Variants in RASL10B observed in about 807,000 individuals in gnomAD.
The protein encoded by RASL10B is ras-like protein family member 10B.
A neutral mutation model predicts 20.7 loss-of-function variants in RASL10B; 10 were observed. That is an observed-to-expected ratio of 0.48 (90% CI 0.30 to 0.82). RASL10B has a LOEUF of 0.82. RASL10B is among the 40% of genes least tolerant of loss of function. RASL10B has a pLI of 0.07. For synonymous variants in RASL10B, 110 were observed against 123.3 expected, an observed-to-expected ratio of 0.89 and a Z score of 0.72; for missense variants, 231 against 295.4, an observed-to-expected ratio of 0.78 and a Z score of 1.60.
chr17:35,737,138 A>G (rs908054181), intron 2 of RASL10B: 3 of 152,252 alleles, frequency 2.0e-5, no homozygotes, highest in Non-Finnish European at 4.4e-5. Context: ...AAACAAAAAC[A>G]AGAACCATAC....
At chr17:35,736,254 G>T (rs1166936693) in intron 2 of RASL10B, among the ~76,000 whole-genome samples, 2 of 152,236 alleles carry the variant, frequency 1.3e-5, no homozygotes, top group East Asian at 3.8e-4. Context: ...GCTCACTGAA[G>T]GAAGCCTCTG....
At chr17:35,740,922 G>A (rs1400306118) in intron 3 of RASL10B, 113 bp from the exon 4 acceptor site, 5 of 853,954 alleles carry the variant, frequency 5.9e-6, no homozygotes, top group South Asian at 1.7e-5. Context: ...TTAGGGCTGC[G>A]CCTGGAGCAG....
intron 2 of RASL10B, among the ~76,000 whole-genome samples, chr17:35,739,174 TAACTC>T (rs1159484064): frequency 1.3e-5 from 2 of 152,242 alleles, no homozygotes; most frequent in African/African-American, 4.8e-5. Flanking sequence ...AAGTTGGACT[TAACTC>T]TGCACTACTG....
At chr17:35,734,889 G>A in intron 1 of RASL10B, 149 bp from the exon 2 acceptor site, 1 of 490,956 alleles carries the variant, frequency 2.0e-6, no homozygotes, top group Non-Finnish European at 3.7e-6. Flanking sequence ...GAGGGATGGA[G>A]AGGTTTTGGA....
At chr17:35,733,769 A>AGTAG (rs782435578) in intron 1 of RASL10B, among the ~76,000 whole-genome samples, 21 of 152,220 alleles carry the variant, frequency 1.4e-4, no homozygotes, top group Non-Finnish European at 2.6e-4. Flanking sequence ...TTTTCTCAGA[A>AGTAG]GTAGGGGCTG....
Position 35,735,343 on chromosome 17 carries a change from C to T in RASL10B, c.159C>T (p.His53=). The change falls in exon 2 of 4, where the codon CAC becomes CAT. Residue 53 remains histidine (H), a synonymous_variant. Coordinates refer to ENST00000603017, the MANE Select transcript of RASL10B (RefSeq NM_033315.4). The surrounding 1 kb of genome is among the most constrained non-coding windows in gnomAD (Gnocchi z 6.7). Reference sequence around the variant, plus strand: ...CTGTCGTCATGAACGGCCACGTGCACGACCTCCAGATCCTCGACTTTCCAC... The same window carrying T: ...CTGTCGTCATGAACGGCCACGTGCATGACCTCCAGATCCTCGACTTTCCAC... ...LPAVVMNGHV[H]DLQILDFPPI... The T allele has an allele frequency of 1.2e-6, 2 of 1,614,192 alleles. No homozygotes were observed. Among genetic ancestry groups the T allele is most frequent in the Non-Finnish European group, 1.7e-6 (2 of 1,180,048 alleles).
At chr17:35,738,660 G>A (rs2085609977) in intron 2 of RASL10B, among the ~76,000 whole-genome samples, 1 of 152,128 alleles carries the variant, frequency 6.6e-6, no homozygotes, top group East Asian at 1.9e-4. Flanking sequence ...GCCTTTTACA[G>A]TTTGGAACCC....
Position 35,741,607 on chromosome 17 carries a change from G to A in RASL10B, c.*302G>A. On this transcript the variant is annotated 3_prime_UTR_variant, in exon 4 of 4. Transcript: ENST00000603017. ...TTGGGATGGGGGTGAGCGTGCAATG[G>A]AGGCTGGGGGTGGCGAGGTGCCGCC... 1 of 365,228 alleles carries A rather than the reference G, an allele frequency of 2.7e-6. No individual in the cohort carries two copies. Among genetic ancestry groups the A allele is most frequent in the Non-Finnish European group, 4.8e-6 (1 of 206,352 alleles). The allele number at this position is 365,228 out of a possible 1,614,324, so 22.6% of individuals were successfully genotyped here.
chr17:35,734,348 A>C (rs587680787), intron 1 of RASL10B, among the ~76,000 whole-genome samples: 10 of 152,300 alleles, frequency 6.6e-5, no homozygotes, highest in Non-Finnish European at 1.3e-4. Flanking sequence ...TACTCCTTCT[A>C]AGCTTCTCTC....
chr17:35,732,890 GTGGTGTCC>G (rs1256635178), intron 1 of RASL10B, among the ~76,000 whole-genome samples: 1 of 152,184 alleles, frequency 6.6e-6, no homozygotes, highest in African/African-American at 2.4e-5. Context: ...GCTGGTGGTA[GTGGTGTCC>G]AGGGATGCCT....
intron 2 of RASL10B, among the ~76,000 whole-genome samples, chr17:35,738,373 A>G (rs2085608268): frequency 1.3e-5 from 2 of 152,170 alleles, no homozygotes; most frequent in African/African-American, 4.8e-5. Flanking sequence ...TATAAAACCT[A>G]AGAATCCTGA....
chr17:35,737,503 G>A (rs1409198089), intron 2 of RASL10B, among the ~76,000 whole-genome samples: 1 of 152,046 alleles, frequency 6.6e-6, no homozygotes, highest in Non-Finnish European at 1.5e-5. Context: ...GAGTGGCCTT[G>A]TAGATAGGTC....
In RASL10B at chr17:35,741,704, C is replaced by T. The variant is rs1598391225; in HGVS notation, c.*399C>T. 1 of 191,438 alleles carries T rather than the reference C, an allele frequency of 5.2e-6. No individual in the cohort carries two copies. The highest frequency in any genetic ancestry group is 2.3e-5 in the African/African-American group (1 of 43,104). The allele number at this position is 191,438 out of a possible 1,614,324, so 11.9% of individuals were successfully genotyped here. A position where few individuals can be genotyped will look rare whatever the true frequency, so the allele number is the denominator to read the frequency against. ...CTGGTGTCTTCCTTTCCCGTGTCCG[C>T]CCACCCCAGCGTCTGTTGGTACTTA... On this transcript the variant is annotated 3_prime_UTR_variant, in exon 4 of 4. Coordinates refer to ENST00000603017, the MANE Select transcript of RASL10B (RefSeq NM_033315.4).
rs1481116157 is a variant in RASL10B, at chr17:35,735,441, ATG to A, written c.216+42_216+43del. ...GGGGCATGGGTTAGTGGGGAAACGG[ATG>A]GGTAGGGGAGAGGCTGGATTCCAAA... On this transcript the variant is annotated intron_variant, in intron 2 of 3. Transcript: ENST00000603017. The surrounding 1 kb of genome is among the most constrained non-coding windows in gnomAD (Gnocchi z 6.7). 6.3e-7 allele frequency: 1 copy of A among 1,596,270 alleles called. No homozygotes were observed. The highest frequency in any genetic ancestry group is 1.3e-5 in the African/African-American group (1 of 74,694).
At position 35,735,208 on chromosome 17, in the gene RASL10B, C is replaced by T. The variant is rs782017763; in HGVS notation, c.24C>T (p.Ala8=). The change falls in exon 2 of 4, where the codon GCC becomes GCT. Residue 8 remains alanine (A), a synonymous_variant. Coordinates refer to ENST00000603017, the MANE Select transcript of RASL10B (RefSeq NM_033315.4). This position sits in a 1 kb window ranked among gnomAD's most constrained non-coding sequence, Gnocchi z 6.7. MVSTYRV[A]VLGARGVGKS... ...GCATGGTCTCCACCTACCGGGTGGC[C>T]GTGCTGGGGGCGCGAGGTGTGGGCA... 9.9e-6 allele frequency: 16 copies of T among 1,611,316 alleles called. No homozygotes were observed. Among genetic ancestry groups the T allele is most frequent in the East Asian group, 8.9e-5 (4 of 44,878 alleles).
chr17:35,733,664 CAGG>C lies in RASL10B; in HGVS notation c.-147-1370_-147-1368del, dbSNP rs782021418. Among the ~76,000 whole-genome samples the C allele has an allele frequency of 1.1e-4, 17 of 152,366 alleles. No individual in the cohort carries two copies. In the South Asian group the frequency reaches 3.5e-3, roughly 32 times the overall value. On this transcript the variant is annotated intron_variant, in intron 1 of 3. Coordinates refer to ENST00000603017, the MANE Select transcript of RASL10B (RefSeq NM_033315.4). ...GATGTCACCCTCCTGGGAATCCAGA[CAGG>C]AGGTCTCAGGCATGTAACAGCCTCT...
chr17:35,740,714 C>A (rs2085623648), intron 3 of RASL10B, among the ~76,000 whole-genome samples, 181 bp downstream of exon 3: 1 of 152,174 alleles, frequency 6.6e-6, no homozygotes, highest in African/African-American at 2.4e-5. Context: ...ATGTTGGGAC[C>A]GTGGCTGTGG....
At chr17:35,733,473 G>A (rs977806625) in intron 1 of RASL10B, among the ~76,000 whole-genome samples, 1 of 152,254 alleles carries the variant, frequency 6.6e-6, no homozygotes, top group Admixed American at 6.5e-5. Context: ...CACATACCCC[G>A]TGGAGTGAGT....
rs1555597869 is a variant in RASL10B, at chr17:35,741,058, C to T, written c.365C>T (p.Pro122Leu). The change falls in exon 4 of 4, where the codon CCC becomes CTC. Residue 122 changes from proline (P) to leucine (L), a missense_variant. Coordinates refer to ENST00000603017, the MANE Select transcript of RASL10B (RefSeq NM_033315.4). ...ETRVIGTSETPIIIVGNKRDL... is the reference protein window; with the variant it reads ...ETRVIGTSETLIIIVGNKRDL... Reference sequence around the variant, plus strand: ...AGGGTGATCGGAACCTCAGAGACGCCCATCATCATCGTGGGCAACAAGCGG... The same window carrying T: ...AGGGTGATCGGAACCTCAGAGACGCTCATCATCATCGTGGGCAACAAGCGG... 1 of 1,607,490 alleles carries T rather than the reference C, an allele frequency of 6.2e-7. No homozygotes were observed. Among genetic ancestry groups the T allele is most frequent in the Non-Finnish European group, 8.5e-7 (1 of 1,175,468 alleles).
Sources: gnomAD v4.1 joint callset for allele counts (sites outside exome capture counted in the v4.1 genomes callset) on GRCh38, gnomAD v4.1.1 for gene constraint, Gnocchi (gnomAD v3.1) non-coding constraint, MANE v1.5 for transcripts, NCBI Gene and HGNC (gene_info 2026-07-23, HGNC 2026-07-21) for gene names.